Variants in EPPIN observed in about 807,000 individuals in gnomAD.
The protein encoded by EPPIN is epididymal peptidase inhibitor.
In EPPIN, 14 loss-of-function variants were observed where a neutral mutation model predicts 18.8. The observed-to-expected ratio is 0.75, with a 90% CI of 0.49 to 1.17. EPPIN has a LOEUF of 1.17. Among genes scored for constraint, EPPIN ranks in the 50% most tolerant of loss-of-function variants. The pLI, the probability that EPPIN is intolerant of heterozygous loss-of-function variation, is 0.00. For synonymous variants in EPPIN, 57 were observed against 54.8 expected (o/e 1.04, Z -0.18); for missense variants, 143 against 154.2 (o/e 0.93, Z 0.39).
At chr20:45,546,248 T>C (rs528266679) in intron 1 of EPPIN, 7 of 172,562 alleles carry the variant, frequency 4.1e-5, no homozygotes, top group South Asian at 4.0e-4. Context: ...GAGGAATCCA[T>C]GTTTGGAAGT....
intron 1 of EPPIN, 90 bp from the exon 2 acceptor site, chr20:45,545,860 G>A (rs1415107459): frequency 6.4e-7 from 1 of 1,556,272 alleles, no homozygotes; most frequent in Non-Finnish European, 8.7e-7. Context: ...AGAGAGTCAG[G>A]GAAGTTTGCT....
intron 2 of EPPIN, 37 bp downstream of exon 2, chr20:45,545,602 G>C: frequency 6.2e-7 from 1 of 1,613,478 alleles, no homozygotes; most frequent in Non-Finnish European, 8.5e-7. Context: ...AGGACAGGGG[G>C]AGGAGGGGTT....
chr20:45,545,982 C>T (rs190386048), intron 1 of EPPIN: 509 of 643,212 alleles, frequency 7.9e-4, no homozygotes, highest in Non-Finnish European at 1.2e-3. Flanking sequence ...ATTCCCACCC[C>T]CCAGCTCCAT....
chr20:45,545,796 G>T, intron 1 of EPPIN, 26 bp from the exon 2 acceptor site: 3 of 1,612,922 alleles, frequency 1.9e-6, no homozygotes, highest in Non-Finnish European at 2.5e-6. Context: ...TTTTACACCC[G>T]TGTGCCTTAG....
intron 1 of EPPIN, chr20:45,546,071 T>C (rs908979811): frequency 2.1e-6 from 1 of 468,052 alleles, no homozygotes; most frequent in Admixed American, 3.7e-5. Context: ...GAACTGGGGA[T>C]TGTAGGATGT....
chr20:45,545,262 C>A, intron 2 of EPPIN: 2 of 216,566 alleles, frequency 9.2e-6, no homozygotes, highest in South Asian at 9.7e-5. Flanking sequence ...CACTCCATAG[C>A]AAAAAAGTTG....
At position 45,541,567 on chromosome 20, in the gene EPPIN, C is replaced by A; in HGVS notation, c.*577G>T. ...CCATCTTGTATGTCCTGGGAAATCTCTCAAACAAACTACCTGCACCCATGC... is the reference window on the plus strand; with the variant it reads ...CCATCTTGTATGTCCTGGGAAATCTATCAAACAAACTACCTGCACCCATGC... On this transcript the variant is annotated 3_prime_UTR_variant, in exon 4 of 4. Coordinates refer to ENST00000354280, the MANE Select transcript of EPPIN (RefSeq NM_020398.4). The A allele has an allele frequency of 6.5e-6, 1 of 152,694 alleles. No homozygotes were observed. 9.5% of individuals were successfully genotyped at this position (152,694 alleles called of 1,614,324 possible).
Position 45,541,497 on chromosome 20 carries a change from C to T in EPPIN, c.*647G>A, listed in dbSNP as rs1007892748. On this transcript the variant is annotated 3_prime_UTR_variant, in exon 4 of 4. Transcript: ENST00000354280. ...ACAGTAGTAACCAGCTCATAATAGA[C>T]TCTTCTCTCTTCCCTTCTCTTCCCT... 3.9e-5 allele frequency: 6 copies of T among 152,314 alleles called. No homozygotes were observed. Among genetic ancestry groups the T allele is most frequent in the Admixed American group, 2.6e-4 (4 of 15,288 alleles). The allele number at this position is 152,314 out of a possible 1,614,324, so 9.4% of individuals were successfully genotyped here.
intron 2 of EPPIN, 132 bp downstream of exon 2, chr20:45,545,507 C>T (rs1979785119): frequency 3.4e-6 from 5 of 1,469,278 alleles, no homozygotes; most frequent in East Asian, 2.3e-5. Context: ...GAATCTAAAT[C>T]GCAGGTCTCC....
chr20:45,542,143 A>G lies in EPPIN; in HGVS notation c.*1T>C, dbSNP rs752179668. Reference sequence around the variant, plus strand: ...AGTTCTTCCAGTGCATCCTTATCCAATCAGGGAAAGCCTGCAGAGAACGTA... The same window carrying G: ...AGTTCTTCCAGTGCATCCTTATCCAGTCAGGGAAAGCCTGCAGAGAACGTA... On this transcript the variant is annotated 3_prime_UTR_variant, in exon 4 of 4. Coordinates refer to ENST00000354280, the MANE Select transcript of EPPIN (RefSeq NM_020398.4). 7.4e-6 allele frequency: 12 copies of G among 1,613,690 alleles called. No individual in the cohort carries two copies. The East Asian group carries it at 1.1e-4, about 15-fold the overall frequency.
intron 3 of EPPIN, 36 bp downstream of exon 3, chr20:45,542,664 T>C (rs1979646997): frequency 6.2e-7 from 1 of 1,603,322 alleles, no homozygotes; most frequent in Non-Finnish European, 8.5e-7. Context: ...GGCATGGGAC[T>C]GGAGAGGATG....
chr20:45,542,240 A>G, intron 3 of EPPIN, 86 bp from the exon 4 acceptor site: 1 of 1,553,172 alleles, frequency 6.4e-7, no homozygotes, highest in Non-Finnish European at 8.8e-7. Context: ...ACATCTTTGC[A>G]CAGAAAGACA....
chr20:45,541,816 A>G lies in EPPIN; in HGVS notation c.*328T>C. ...CTGCAAAGTGTAATGTGCCAAAAAG[A>G]TGTCAATCACTCAGCCTCAAGGCAC... On this transcript the variant is annotated 3_prime_UTR_variant, in exon 4 of 4. Transcript: ENST00000354280. 3.5e-6 allele frequency: 1 copy of G among 285,662 alleles called. No individual in the cohort carries two copies. The highest frequency in any genetic ancestry group is 6.6e-6 in the Non-Finnish European group (1 of 152,072). 17.7% of individuals were successfully genotyped at this position (285,662 alleles called of 1,614,324 possible).
intron 2 of EPPIN, 187 bp downstream of exon 2, chr20:45,545,452 G>T: frequency 2.2e-6 from 2 of 905,758 alleles, no homozygotes; most frequent in Non-Finnish European, 3.3e-6. Context: ...TACCTGATAG[G>T]ATAAGGTCAT....
chr20:45,543,807 C>G (rs960732936), intron 2 of EPPIN: 6 of 152,906 alleles, frequency 3.9e-5, no homozygotes, highest in Middle Eastern at 3.2e-3. Context: ...CGCTGGCCTC[C>G]TCTCCTGCCG....
At chr20:45,547,029 G>C (rs7361329) in intron 1 of EPPIN, among the ~76,000 whole-genome samples, 7,085 of 152,118 alleles carry the variant, frequency 0.047, 376 homozygotes, top group Admixed American at 0.11. Flanking sequence ...TCCTCCACCT[G>C]CTTGATAAAG....
At chr20:45,545,553 C>T (rs768112471) in intron 2 of EPPIN, 86 bp downstream of exon 2, 30 of 1,596,464 alleles carry the variant, frequency 1.9e-5, no homozygotes, top group South Asian at 1.6e-4. Flanking sequence ...CAGCCCTCAG[C>T]GATCAGGGCA....
At position 45,542,868 on chromosome 20, in the gene EPPIN, C is replaced by T. The variant is rs761392117; in HGVS notation, c.224-1G>A. The T allele has an allele frequency of 6.2e-7, 1 of 1,608,694 alleles. No homozygotes were observed. Among genetic ancestry groups the T allele is most frequent in the Admixed American group, 1.7e-5 (1 of 58,732 alleles). On this transcript the variant is annotated splice_acceptor_variant, in intron 2 of 3. Transcript: ENST00000354280. LOFTEE classifies it high-confidence loss of function. ...GTTTCTTTTGGCATTTCGCATACAT[C>T]TGCAGAGAGACTCCAGAGTTGAAAA...
At position 45,542,708 on chromosome 20, in the gene EPPIN, T is replaced by G. The variant is rs2231839; in HGVS notation, c.383A>C (p.Lys128Thr). ...GGGCCCCTAGGACTTACGTTTATTC[T>G]TGCAGGTGTTCAGGCAGTTGGCTTT... ...QSKANCLNTCKNKRFP is the reference protein window; with the variant it reads ...QSKANCLNTCTNKRFP The change falls in exon 3 of 4, where the codon AAG becomes ACG. Residue 128 changes from lysine (K) to threonine (T), a missense_variant. By Grantham distance (78) the Lys-to-Thr change is moderately conservative (BLOSUM62 -1). Transcript: ENST00000354280. The G allele has an allele frequency of 4.2e-4, 680 of 1,613,694 alleles. 4 individuals carry two copies. In the East Asian group the frequency reaches 0.012, roughly 29 times the overall value.
Sources: allele counts gnomAD v4.1 joint callset (sites outside exome capture counted in the v4.1 genomes callset), GRCh38; gene constraint gnomAD v4.1.1; transcripts MANE v1.5; gene names NCBI Gene and HGNC (gene_info 2026-07-23, HGNC 2026-07-21).